The following PCBP3 variants were observed in gnomAD, a reference collection of about 807,000 sequenced individuals.
PCBP3 encodes the protein poly(rC) binding protein 3.
PCBP3 carries 25 observed loss-of-function variants against 52.7 expected under a neutral mutation model. That is an observed-to-expected ratio of 0.47 (90% CI 0.35 to 0.66). The LOEUF (loss-of-function observed/expected upper bound fraction) is 0.66. Among genes scored for constraint, PCBP3 ranks in the 30% least tolerant of loss-of-function variants. PCBP3 has a pLI of 0.01. For missense variants in PCBP3, 391 were observed against 490.3 expected (o/e 0.80, Z 1.91); for synonymous variants, 162 against 183.0 (o/e 0.89, Z 0.93).
At chr21:45,834,819 T>C (rs574915424) in intron 4 of PCBP3, among the ~76,000 whole-genome samples, 44 of 152,320 alleles carry the variant, frequency 2.9e-4, no homozygotes, top group Non-Finnish European at 5.6e-4. Context: ...GAGTTCCGAG[T>C]TCACCTGGCA....
chr21:45,910,683 A>C (rs923069574), intron 10 of PCBP3, among the ~76,000 whole-genome samples: 2 of 152,050 alleles, frequency 1.3e-5, no homozygotes, highest in Non-Finnish European at 2.9e-5. Context: ...CCAGGTGCCA[A>C]GTGCGCCCGA....
chr21:45,811,214 C>T (rs1300355672), intron 4 of PCBP3, among the ~76,000 whole-genome samples: 2 of 152,246 alleles, frequency 1.3e-5, no homozygotes, highest in African/African-American at 2.4e-5. Context: ...GACTCCATGG[C>T]TTACAGCACA....
chr21:45,801,626 CTTG>C (rs60524524), intron 4 of PCBP3, among the ~76,000 whole-genome samples: 21,747 of 152,168 alleles, frequency 0.14, 1,762 homozygotes, highest in Middle Eastern at 0.29. Flanking sequence ...CACAGCCGCA[CTTG>C]TTGTGACATA....
intron 5 of PCBP3, among the ~76,000 whole-genome samples, chr21:45,889,832 A>C (rs1210078596): frequency 1.3e-5 from 2 of 152,254 alleles, no homozygotes; most frequent in African/African-American, 4.8e-5. Context: ...TTTCACCTGC[A>C]GCTTCTGATC....
chr21:45,784,541 G>C (rs936016799), intron 4 of PCBP3, among the ~76,000 whole-genome samples: 2 of 152,152 alleles, frequency 1.3e-5, no homozygotes, highest in Middle Eastern at 3.4e-3. Flanking sequence ...CTGCCATCTC[G>C]GCTCACTGCA....
intron 2 of PCBP3, among the ~76,000 whole-genome samples, chr21:45,670,025 T>A (rs893111116): frequency 6.6e-6 from 1 of 151,780 alleles, no homozygotes; most frequent in African/African-American, 2.4e-5. Context: ...TTCTTAACTT[T>A]TTGAGGAATG....
chr21:45,911,432 C>T (rs61639161), intron 11 of PCBP3: 9,316 of 285,330 alleles, frequency 0.033, 470 homozygotes, highest in African/African-American at 0.13. Flanking sequence ...GCAGGAGGCT[C>T]CTCTGCGCAT....
At chr21:45,672,668 A>T (rs1411380214) in intron 2 of PCBP3, among the ~76,000 whole-genome samples, 1 of 152,098 alleles carries the variant, frequency 6.6e-6, no homozygotes, top group Non-Finnish European at 1.5e-5. Flanking sequence ...AACATAATAC[A>T]ATAGTCATGG....
At chr21:45,723,439 G>A (rs750613227) in intron 2 of PCBP3, among the ~76,000 whole-genome samples, 7 of 152,188 alleles carry the variant, frequency 4.6e-5, no homozygotes, top group Admixed American at 2.0e-4. Context: ...ATTCAGAAAA[G>A]GGTTAAGTAA....
At chr21:45,929,327 G>A (rs897083414) in intron 13 of PCBP3, among the ~76,000 whole-genome samples, 6 of 152,146 alleles carry the variant, frequency 3.9e-5, no homozygotes, top group African/African-American at 9.7e-5. Context: ...AAGGCAAGAC[G>A]CTTCTGGAGG....
intron 2 of PCBP3, among the ~76,000 whole-genome samples, chr21:45,707,055 C>T (rs1044519672): frequency 3.3e-5 from 5 of 152,180 alleles, no homozygotes; most frequent in Non-Finnish European, 5.9e-5. Flanking sequence ...TTCATGCTGA[C>T]TGAGTGTGCA....
chr21:45,813,924 G>A (rs1026017642), intron 4 of PCBP3, among the ~76,000 whole-genome samples: 12 of 152,138 alleles, frequency 7.9e-5, no homozygotes, highest in South Asian at 2.1e-4. Flanking sequence ...TTGGATAGTC[G>A]TGCATCGCTT....
chr21:45,905,749 A>G (rs2096187415), intron 9 of PCBP3, among the ~76,000 whole-genome samples: 1 of 152,132 alleles, frequency 6.6e-6, no homozygotes. Context: ...GTCAGATTAC[A>G]TTAGGGTCTA....
chr21:45,843,583 A>G (rs2093743356), intron 4 of PCBP3, among the ~76,000 whole-genome samples: 1 of 152,220 alleles, frequency 6.6e-6, no homozygotes, highest in Non-Finnish European at 1.5e-5. Flanking sequence ...AAATTTTGGC[A>G]TGCAATAATT....
intron 10 of PCBP3, among the ~76,000 whole-genome samples, chr21:45,909,848 A>AACC (rs2096309037): frequency 7.8e-5 from 1 of 12,744 alleles, no homozygotes; most frequent in Non-Finnish European, 1.3e-4. Flanking sequence ...CCAGATACGG[A>AACC]CCTGGCCACC....
At chr21:45,738,857 T>A (rs1347265764) in intron 3 of PCBP3, among the ~76,000 whole-genome samples, 1 of 111,638 alleles carries the variant, frequency 9.0e-6, no homozygotes, top group Non-Finnish European at 1.8e-5. Flanking sequence ...CTGTCCACGG[T>A]CCTCTGGGTA....
intron 15 of PCBP3, among the ~76,000 whole-genome samples, chr21:45,933,609 T>C (rs1239095481): frequency 6.6e-6 from 1 of 152,252 alleles, no homozygotes; most frequent in Non-Finnish European, 1.5e-5. Flanking sequence ...CAAATAAGTG[T>C]TGTTTTGAAA....
intron 4 of PCBP3, among the ~76,000 whole-genome samples, chr21:45,809,562 C>T (rs914882043): frequency 6.6e-6 from 1 of 152,192 alleles, no homozygotes; most frequent in Admixed American, 6.5e-5. Context: ...TCGTGCTCGG[C>T]TCTGGATCCA....
chr21:45,846,651 C>G lies in PCBP3; in HGVS notation c.-125-3310C>G, dbSNP rs116550818. On this transcript the variant is annotated intron_variant, in intron 4 of 17. Transcript: ENST00000681687. ...TTTCTTTCCCCAACATCTATAGTTT[C>G]TGCATTATAAAGCCAGCTTCCGTGT... Among the ~76,000 whole-genome samples, 817 of 152,312 alleles carry G rather than the reference C, an allele frequency of 5.4e-3. 7 individuals carry two copies. The highest frequency in any genetic ancestry group is 0.019 in the African/African-American group (780 of 41,568).
Sources: allele counts gnomAD v4.1 joint callset (sites outside exome capture counted in the v4.1 genomes callset), GRCh38; gene constraint gnomAD v4.1.1; transcripts MANE v1.5; gene names NCBI Gene and HGNC (gene_info 2026-07-23, HGNC 2026-07-21).